The following PER3 variants were observed in gnomAD, a reference collection of about 807,000 sequenced individuals.
PER3 encodes the protein period circadian regulator 3, also known as period circadian protein homolog 3.
In PER3, 107 loss-of-function variants were observed where a neutral mutation model predicts 127.2. The ratio of observed to expected loss-of-function variants is 0.84; its 90% CI spans 0.72 to 0.99. The LOEUF (loss-of-function observed/expected upper bound fraction) is 0.99. Ranked by LOEUF, PER3 falls within the 50% of genes least tolerant of loss-of-function variation. PER3 has a pLI of 0.00. For missense variants in PER3, 1,560 were observed against 1,525.8 expected, an observed-to-expected ratio of 1.02 and a Z score of -0.37; for synonymous variants, 618 against 585.8, an observed-to-expected ratio of 1.05 and a Z score of -0.79.
chr1:7,792,925 G>A (rs1434532069), intron 5 of PER3, among the ~76,000 whole-genome samples: 1 of 152,200 alleles, frequency 6.6e-6, no homozygotes, highest in African/African-American at 2.4e-5. Context: ...GAGTTCATGT[G>A]TCTGGTGTGA....
At chr1:7,793,887 G>C (rs746050693) in intron 5 of PER3, 70 bp from the exon 6 acceptor site, 4 of 1,244,438 alleles carry the variant, frequency 3.2e-6, no homozygotes, top group Non-Finnish European at 4.7e-6. Flanking sequence ...GTTTGATAAT[G>C]GTGCAACATT....
At position 7,810,546 on chromosome 1, in the gene PER3, C is replaced by G; in HGVS notation, c.1480C>G (p.Arg494Gly). ...ATCATTCAAGCCAGTGACGGGGACACGCACAGAACCGAATGGTGGTGGTGA... is the reference window on the plus strand; with the variant it reads ...ATCATTCAAGCCAGTGACGGGGACAGGCACAGAACCGAATGGTGGTGGTGA... ...KSSFKPVTGT[R>G]TEPNGGGESA... is the part of the protein sequence containing the mutation. Residue 494 changes from arginine to glycine, a missense_variant, in exon 13 of 22, where the codon CGC becomes GGC. Physicochemically the swap from Arg to Gly is moderately radical, Grantham distance 125 (BLOSUM62 -2). Around this residue, in one of 3 missense-constraint regions of PER3, gnomAD observed 1,332 missense variants for 1,223.6 expected, o/e 1.09. Coordinates refer to ENST00000377532, the MANE Select transcript of PER3 (RefSeq NM_001377275.1). 5 of 1,613,432 alleles carry G rather than the reference C, an allele frequency of 3.1e-6. No individual in the cohort carries two copies. The highest frequency in any genetic ancestry group is 3.4e-6 in the Non-Finnish European group (4 of 1,179,856).
At chr1:7,798,430 T>C in intron 6 of PER3, 95 bp from the exon 7 acceptor site, 1 of 967,028 alleles carries the variant, frequency 1.0e-6, no homozygotes, top group East Asian at 2.5e-5. Flanking sequence ...TATGTCTGTC[T>C]TGGAAATTAC....
intron 17 of PER3, 106 bp from the exon 18 acceptor site, chr1:7,827,012 T>G (rs1558458945): frequency 1.2e-6 from 1 of 848,932 alleles, no homozygotes; most frequent in Non-Finnish European, 1.8e-6. Context: ...CTGGTAGTAT[T>G]GGCAAATGCT....
At position 7,810,036 on chromosome 1, in the gene PER3, G is replaced by A. The variant is rs754497394; in HGVS notation, c.1371+15G>A. ...AGGCGGAGCAGGTGCATGGGCTTAT[G>A]TCACATTCTTATACAGGCATCGTGT... On this transcript the variant is annotated intron_variant, in intron 12 of 21. Coordinates refer to ENST00000377532, the MANE Select transcript of PER3 (RefSeq NM_001377275.1). 6.2e-7 allele frequency: 1 copy of A among 1,609,374 alleles called. No individual in the cohort carries two copies. The highest frequency in any genetic ancestry group is 1.7e-5 in the Admixed American group (1 of 59,438).
rs531003225 is a variant in PER3 at position 7,822,048 on chromosome 1, G to A, written c.1957+1408G>A. 4.6e-5 allele frequency among the ~76,000 whole-genome samples: 7 copies of A among 152,200 alleles called. No individual in the cohort carries two copies. In the South Asian group the frequency reaches 1.0e-3, roughly 23 times the overall value. On this transcript the variant is annotated intron_variant, in intron 16 of 21. Transcript: ENST00000377532. Reference sequence around the variant, plus strand: ...GTAGTAGAGTAGGGAATCAAGTATTGACCATTAGTCTCTAGGAGTCGTTGC... The same window carrying A: ...GTAGTAGAGTAGGGAATCAAGTATTAACCATTAGTCTCTAGGAGTCGTTGC...
intron 16 of PER3, among the ~76,000 whole-genome samples, chr1:7,824,226 G>A: frequency 6.6e-6 from 1 of 152,086 alleles, no homozygotes; most frequent in East Asian, 1.9e-4. Context: ...GTCAGCAAAA[G>A]AAGTGAAATA....
At chr1:7,785,407 G>A in intron 2 of PER3, 34 bp from the exon 3 acceptor site, 2 of 1,577,240 alleles carry the variant, frequency 1.3e-6, no homozygotes, top group Non-Finnish European at 1.7e-6. Context: ...GTTGTCTTCA[G>A]AGGATGAAGT....
chr1:7,821,666 A>T (rs2151048011), intron 16 of PER3, among the ~76,000 whole-genome samples: 1 of 152,202 alleles, frequency 6.6e-6, no homozygotes, highest in Non-Finnish European at 1.5e-5. Flanking sequence ...CTGCTCTTAT[A>T]TGACCGTTTT....
intron 21 of PER3, among the ~76,000 whole-genome samples, chr1:7,838,248 A>G (rs2097367566): frequency 6.6e-6 from 1 of 152,190 alleles, no homozygotes; most frequent in African/African-American, 2.4e-5. Flanking sequence ...ATTTTTAAGT[A>G]TATAATTCAA....
chr1:7,837,217 C>A, intron 21 of PER3, 68 bp downstream of exon 21: 3 of 1,342,542 alleles, frequency 2.2e-6, no homozygotes, highest in South Asian at 2.7e-5. Flanking sequence ...TAATATAGGT[C>A]GTGTTCTTGC....
chr1:7,810,077 G>T, intron 12 of PER3, 56 bp downstream of exon 12: 1 of 1,519,880 alleles, frequency 6.6e-7, no homozygotes, highest in Non-Finnish European at 9.0e-7. Flanking sequence ...GTACTACCTC[G>T]GTTCTGAATG....
chr1:7,842,807 A>G lies in PER3; in HGVS notation c.*52A>G, dbSNP rs2097397903. The G allele has an allele frequency of 1.3e-6, 2 of 1,520,414 alleles. No homozygotes were observed. The highest frequency in any genetic ancestry group is 1.4e-5 in the African/African-American group (1 of 73,142). The allele number at this position is 1,520,414 out of a possible 1,614,324, so 94.2% of individuals were successfully genotyped here. ...CCTTTCCAAGACGTGTTACACAGAC[A>G]GACCTTTTTAAGTCCTGGACTTTTA... is the stretch of plus-strand genomic sequence containing the variant. On this transcript the variant is annotated 3_prime_UTR_variant, in exon 22 of 22. Transcript: ENST00000377532.
intron 21 of PER3, among the ~76,000 whole-genome samples, chr1:7,837,485 TTATGTATTTCAAA>T (rs2097363883): frequency 6.6e-6 from 1 of 152,216 alleles, no homozygotes; most frequent in South Asian, 2.1e-4. Context: ...AGGTCATTTG[TTATGTATTTCAAA>T]TATGTCTGCA....
At chr1:7,824,469 G>C (rs1027815241) in intron 16 of PER3, among the ~76,000 whole-genome samples, 1 of 151,878 alleles carries the variant, frequency 6.6e-6, no homozygotes, top group Non-Finnish European at 1.5e-5. Flanking sequence ...TGCTTTGACT[G>C]TTAGGTCTTT....
At chr1:7,795,939 G>T (rs946431015) in intron 6 of PER3, among the ~76,000 whole-genome samples, 1 of 152,158 alleles carries the variant, frequency 6.6e-6, no homozygotes, top group Non-Finnish European at 1.5e-5. Context: ...CTCAGATCTC[G>T]TCTGATTTCC....
At chr1:7,812,904 TGA>T (rs2097226876) in intron 13 of PER3, among the ~76,000 whole-genome samples, 1 of 152,146 alleles carries the variant, frequency 6.6e-6, no homozygotes, top group Non-Finnish European at 1.5e-5. Flanking sequence ...TTGAGAGACA[TGA>T]GGATGCAACT....
At chr1:7,797,518 C>G (rs1356378415) in intron 6 of PER3, among the ~76,000 whole-genome samples, 2 of 152,022 alleles carry the variant, frequency 1.3e-5, no homozygotes, top group Non-Finnish European at 2.9e-5. Flanking sequence ...ACCTGTAATC[C>G]CAGCTACTCG....
In PER3 at chr1:7,803,013, A is replaced by C. The variant is rs1199582745; in HGVS notation, c.873-34A>C. 5 of 1,067,008 alleles carry C rather than the reference A, an allele frequency of 4.7e-6. No homozygotes were observed. In the Admixed American group the frequency reaches 8.4e-5, roughly 18 times the overall value. The allele number at this position is 1,067,008 out of a possible 1,614,324, so 66.1% of individuals were successfully genotyped here. On this transcript the variant is annotated intron_variant, in intron 8 of 21. Transcript: ENST00000377532. ...AAAAGTGTATAAGAATTACCTGATGAGTATGCCACCTGTGTTGTGTATCTG... is the reference window on the plus strand; with the variant it reads ...AAAAGTGTATAAGAATTACCTGATGCGTATGCCACCTGTGTTGTGTATCTG...
Sources: gnomAD v4.1 joint callset for allele counts (sites outside exome capture counted in the v4.1 genomes callset) on GRCh38, gnomAD v4.1.1 for gene constraint, gnomAD v4.1.1 regional missense constraint, MANE v1.5 for transcripts, NCBI Gene and HGNC (gene_info 2026-07-23, HGNC 2026-07-21) for gene names.